ZFHX3: variants seen among roughly 807,000 people sequenced by gnomAD.
ZFHX3 encodes the protein zinc finger homeobox 3, also known as zinc finger homeobox protein 3.
Under a neutral mutation model 279.1 loss-of-function variants are expected in ZFHX3, and 42 were observed. The observed-to-expected ratio is 0.15, with a 90% CI of 0.12 to 0.19. The LOEUF (loss-of-function observed/expected upper bound fraction) is 0.19. Among genes scored for constraint, ZFHX3 ranks in the 10% least tolerant of loss-of-function variants. The pLI, the probability that ZFHX3 is intolerant of heterozygous loss-of-function variation, is 1.00. For synonymous variants in ZFHX3, 2,293 were observed against 1,957.8 expected (o/e 1.17, Z -4.52); for missense variants, 4,981 against 4,754.0 (o/e 1.05, Z -1.40).
At chr16:73,272,372 A>G (rs1274531236) in intron 4 of ZFHX3, among the ~76,000 whole-genome samples, 1 of 152,204 alleles carries the variant, frequency 6.6e-6, no homozygotes, top group Non-Finnish European at 1.5e-5. Context: ...TGTTAGTCTG[A>G]AAAACAGCTG....
chr16:73,325,251 G>A (rs920047997), intron 3 of ZFHX3, among the ~76,000 whole-genome samples: 6 of 152,168 alleles, frequency 3.9e-5, no homozygotes, highest in Non-Finnish European at 8.8e-5. Context: ...TCATTTATAA[G>A]TTTAACTAAT....
chr16:72,841,671 C>T (rs2037349029), intron 4 of ZFHX3, among the ~76,000 whole-genome samples: 2 of 152,198 alleles, frequency 1.3e-5, no homozygotes, highest in Non-Finnish European at 2.9e-5. Flanking sequence ...AGCTACTAAA[C>T]TGCCCTGTAG....
At chr16:73,135,395 GA>G (rs1966769970) in intron 6 of ZFHX3, among the ~76,000 whole-genome samples, 1 of 152,196 alleles carries the variant, frequency 6.6e-6, no homozygotes, top group South Asian at 2.1e-4. Context: ...GAATGGGAGA[GA>G]AAAAGGATTT....
At chr16:72,933,397 G>A (rs1409474319) in intron 3 of ZFHX3, among the ~76,000 whole-genome samples, 1 of 152,170 alleles carries the variant, frequency 6.6e-6, no homozygotes, top group East Asian at 1.9e-4. Flanking sequence ...GGAGCCGAGA[G>A]AGGAGAGAAC....
rs373880184 is a variant in ZFHX3 at position 72,786,934 on chromosome 16, CTTTT to C, written c.*226_*229del. ...AGGACACAATGTAACAGGGTTAGGGCTTTTTTTTTTTTTTTAATATTAAAAGAAA... is the reference window on the plus strand; with the variant it reads ...AGGACACAATGTAACAGGGTTAGGGCTTTTTTTTTTTAATATTAAAAGAAA... On this transcript the variant is annotated 3_prime_UTR_variant, in exon 10 of 10. Coordinates refer to ENST00000268489, the MANE Select transcript of ZFHX3 (RefSeq NM_006885.4). The C allele has an allele frequency of 1.6e-4, 34 of 207,718 alleles. No homozygotes were observed. The highest frequency in any genetic ancestry group is 1.0e-3 in the South Asian group (5 of 4,850). The allele number at this position is 207,718 out of a possible 1,614,324, so 12.9% of individuals were successfully genotyped here.
chr16:73,824,153 C>G (rs768837242), intron 1 of ZFHX3, among the ~76,000 whole-genome samples: 26 of 152,202 alleles, frequency 1.7e-4, no homozygotes, highest in South Asian at 6.3e-4. Flanking sequence ...CTTACCAGAG[C>G]CTTTAATATC....
At chr16:73,703,738 T>C (rs559410842) in intron 1 of ZFHX3, among the ~76,000 whole-genome samples, 1 of 152,224 alleles carries the variant, frequency 6.6e-6, no homozygotes, top group Admixed American at 6.5e-5. Flanking sequence ...TACATTAAGG[T>C]GGACACACAG....
At chr16:73,509,992 G>A (rs188450184) in intron 2 of ZFHX3, among the ~76,000 whole-genome samples, 3 of 152,256 alleles carry the variant, frequency 2.0e-5, no homozygotes, top group East Asian at 3.9e-4. Context: ...CATCACGCCC[G>A]GCCTTTGCCT....
chr16:73,470,535 T>C (rs886878612), intron 2 of ZFHX3, among the ~76,000 whole-genome samples: 1 of 152,200 alleles, frequency 6.6e-6, no homozygotes, highest in African/African-American at 2.4e-5. Context: ...ATAGTAATAA[T>C]GTCATCGAGA....
At chr16:73,017,721 C>G (rs2106261) in intron 1 of ZFHX3, among the ~76,000 whole-genome samples, 1 of 151,800 alleles carries the variant, frequency 6.6e-6, no homozygotes, top group African/African-American at 2.4e-5. Flanking sequence ...AGAGAATTGT[C>G]CAACCATCCA....
rs146341213 is a variant in ZFHX3, at chr16:73,309,287, T to C, written c.-1194+8953A>G. Among the ~76,000 whole-genome samples, 315 of 152,310 alleles carry C rather than the reference T, an allele frequency of 2.1e-3. 1 individual carries two copies. The highest frequency in any genetic ancestry group is 7.3e-3 in the African/African-American group (302 of 41,576). On this transcript the variant is annotated intron_variant, in intron 4 of 17. Transcript: ENST00000641206. ...TCGTTCCCCTCCTTGTGTCCATGTG[T>C]TCTCATCATTTAGCTCCCACTTACA...
chr16:73,070,351 G>A (rs900791264), intron 8 of ZFHX3, among the ~76,000 whole-genome samples: 3 of 151,996 alleles, frequency 2.0e-5, no homozygotes, highest in African/African-American at 7.3e-5. Context: ...AAGACACAAA[G>A]ATAAGCTATC....
chr16:72,990,072 C>A (rs558650547), intron 1 of ZFHX3, among the ~76,000 whole-genome samples: 1 of 152,214 alleles, frequency 6.6e-6, no homozygotes, highest in Admixed American at 6.5e-5. Context: ...TTTTTTCCCC[C>A]CACCGTTTCT....
rs545514267 is a variant in ZFHX3 at position 73,501,581 on chromosome 16, G to T, written c.-1546-45323C>A. 7.9e-5 allele frequency among the ~76,000 whole-genome samples: 12 copies of T among 152,212 alleles called. No individual in the cohort carries two copies. The South Asian group carries it at 2.5e-3, about 32-fold the overall frequency. The stretch of plus-strand genomic sequence containing the variant: ...GGATTGAAACTGACAATCAGATCAG[G>T]CATCTAAATTAAACAGGAATACAAG... On this transcript the variant is annotated intron_variant, in intron 2 of 17. Transcript: ENST00000641206.
chr16:73,294,074 T>C (rs2014844014), intron 4 of ZFHX3: 1 of 151,634 alleles, frequency 6.6e-6, no homozygotes, highest in Non-Finnish European at 1.5e-5. Context: ...ATTCTCGCTG[T>C]AAATTAATAC....
At chr16:73,282,956 G>GA (rs1266671560) in intron 4 of ZFHX3, among the ~76,000 whole-genome samples, 2 of 152,106 alleles carry the variant, frequency 1.3e-5, no homozygotes, top group African/African-American at 4.8e-5. Flanking sequence ...TAATGTTAGG[G>GA]AAAAGCCTGT....
chr16:73,777,649 A>G (rs539992060), intron 1 of ZFHX3, among the ~76,000 whole-genome samples: 2 of 152,226 alleles, frequency 1.3e-5, no homozygotes, highest in South Asian at 2.1e-4. Context: ...AACTGTATCA[A>G]TGATAACAAT....
intron 3 of ZFHX3, among the ~76,000 whole-genome samples, chr16:72,894,084 G>A (rs186180370): frequency 8.5e-4 from 129 of 151,274 alleles, no homozygotes; most frequent in Middle Eastern, 3.4e-3. Context: ...GGGAGGCAGA[G>A]GTTGCAGTGA....
At chr16:73,314,506 G>A (rs2015399723) in intron 4 of ZFHX3, among the ~76,000 whole-genome samples, 1 of 152,170 alleles carries the variant, frequency 6.6e-6, no homozygotes, top group Admixed American at 6.6e-5. Context: ...GGCAGAGCCG[G>A]GATGGAAACT....
Sources: gnomAD v4.1 joint callset for allele counts (sites outside exome capture counted in the v4.1 genomes callset) on GRCh38, gnomAD v4.1.1 for gene constraint, MANE v1.5 for transcripts, NCBI Gene and HGNC (gene_info 2026-07-23, HGNC 2026-07-21) for gene names.